CPSF3: variants seen among roughly 807,000 people sequenced by gnomAD.
CPSF3 encodes the protein cleavage and polyadenylation specific factor 3, also known as cleavage and polyadenylation specificity factor subunit 3.
In CPSF3, 57 loss-of-function variants were observed where a neutral mutation model predicts 84.1. That is an observed-to-expected ratio of 0.68 (90% CI 0.55 to 0.85). CPSF3 has a LOEUF of 0.85. Ranked by LOEUF, CPSF3 falls within the 40% of genes least tolerant of loss-of-function variation. The probability of loss-of-function intolerance (pLI) is 0.00; values close to 1 mark genes in which losing one functional copy is unlikely to be tolerated. For missense variants in CPSF3, 522 were observed against 838.8 expected (o/e 0.62, Z 4.66); for synonymous variants, 275 against 278.1 (o/e 0.99, Z 0.11).
At chr2:9,425,462 G>A (rs1053742119) in intron 1 of CPSF3, among the ~76,000 whole-genome samples, 2 of 152,294 alleles carry the variant, frequency 1.3e-5, no homozygotes, top group African/African-American at 2.4e-5. Context: ...CAGATTCAGT[G>A]AGATATTGAA....
intron 2 of CPSF3, 49 bp downstream of exon 2, chr2:9,428,877 T>C: frequency 8.9e-7 from 1 of 1,118,388 alleles, no homozygotes. Flanking sequence ...CTGTCTGTAT[T>C]GGGTGTTAGT....
chr2:9,472,772 A>C (rs4622691), intron 17 of CPSF3, 144 bp from the exon 18 acceptor site: 363,179 of 671,730 alleles, frequency 0.54, 106,160 homozygotes, highest in African/African-American at 0.73. Context: ...CCCACCTCAG[A>C]CTCTTATCTG....
intron 16 of CPSF3, 44 bp downstream of exon 16, chr2:9,467,820 GC>G: frequency 6.7e-7 from 1 of 1,493,386 alleles, no homozygotes; most frequent in Non-Finnish European, 9.3e-7. Flanking sequence ...AGTGACAGCG[GC>G]CGGAAGGAGC....
chr2:9,455,636 G>C, intron 12 of CPSF3, 23 bp from the exon 13 acceptor site: 1 of 1,557,638 alleles, frequency 6.4e-7, no homozygotes, highest in East Asian at 2.2e-5. Context: ...ATTTCTTCAA[G>C]TCTCTTCTCA....
At position 9,471,361 on chromosome 2, in the gene CPSF3, CTG is replaced by C. The variant is rs1572816867; in HGVS notation, c.1879_1880del (p.Val627LysfsTer5). On this transcript the variant is annotated frameshift_variant, in exon 17 of 18. Transcript: ENST00000238112. LOFTEE classifies it high-confidence loss of function. ...TTTTCAGGGACATATTTGGAGAAGA[CTG>C]TGTAAGTGTAAAGGATGACTCTATT... ...IMLQDIFGEDCVSVKDDSILS... is the reference protein window; with the variant it reads ...IMLQDIFGEDXVSVKDDSILS... 2 of 1,609,938 alleles carry C rather than the reference CTG, an allele frequency of 1.2e-6. No homozygotes were observed. The highest frequency in any genetic ancestry group is 1.7e-6 in the Non-Finnish European group (2 of 1,176,262).
intron 4 of CPSF3, 140 bp downstream of exon 4, chr2:9,431,020 A>ATT (rs1680566859): frequency 1.5e-6 from 1 of 652,976 alleles, no homozygotes; most frequent in East Asian, 2.8e-5. Context: ...TTCATTAACA[A>ATT]GGTCATTGAA....
At chr2:9,425,431 A>G (rs1314840009) in intron 1 of CPSF3, among the ~76,000 whole-genome samples, 3 of 92,140 alleles carry the variant, frequency 3.3e-5, no homozygotes, top group Admixed American at 2.8e-4. Context: ...ATGGATGAAT[A>G]AAAGCATGGA....
chr2:9,448,579 A>T (rs142599407), intron 11 of CPSF3, among the ~76,000 whole-genome samples: 1 of 152,072 alleles, frequency 6.6e-6, no homozygotes, highest in East Asian at 1.9e-4. Flanking sequence ...TGTGTGTGAG[A>T]CGGAGTCTCG....
At chr2:9,443,206 G>A (rs1464730391) in intron 9 of CPSF3, among the ~76,000 whole-genome samples, 1 of 152,118 alleles carries the variant, frequency 6.6e-6, no homozygotes, top group East Asian at 1.9e-4. Context: ...ACATATCTAG[G>A]AAATGACTTT....
At chr2:9,439,699 A>G (rs1680906113) in intron 7 of CPSF3, among the ~76,000 whole-genome samples, 1 of 152,204 alleles carries the variant, frequency 6.6e-6, no homozygotes, top group Non-Finnish European at 1.5e-5. Flanking sequence ...TTTTAAAAAT[A>G]CAAGCATGGC....
At chr2:9,433,217 C>T (rs577473283) in intron 5 of CPSF3, among the ~76,000 whole-genome samples, 2 of 152,312 alleles carry the variant, frequency 1.3e-5, no homozygotes, top group Non-Finnish European at 2.9e-5. Context: ...ACTCAGGCTG[C>T]AAATAAGACT....
At chr2:9,463,412 C>T (rs1027441958) in intron 15 of CPSF3, among the ~76,000 whole-genome samples, 1 of 152,148 alleles carries the variant, frequency 6.6e-6, no homozygotes, top group Non-Finnish European at 1.5e-5. Context: ...TCGCAAAGTG[C>T]TGGATTCTGG....
chr2:9,461,595 G>A (rs1021056256), intron 15 of CPSF3, among the ~76,000 whole-genome samples: 1 of 151,338 alleles, frequency 6.6e-6, no homozygotes, highest in Non-Finnish European at 1.5e-5. Flanking sequence ...GCTTGAAACC[G>A]GGGGGCGGAG....
intron 4 of CPSF3, among the ~76,000 whole-genome samples, chr2:9,431,588 A>G (rs1304602036): frequency 7.6e-6 from 1 of 131,786 alleles, no homozygotes; most frequent in African/African-American, 3.1e-5. Flanking sequence ...GCTGTTGACC[A>G]GGCTGGAGTG....
chr2:9,442,844 C>T (rs185205280), intron 9 of CPSF3, among the ~76,000 whole-genome samples: 85 of 149,120 alleles, frequency 5.7e-4, no homozygotes, highest in African/African-American at 2.0e-3. Flanking sequence ...CGGAGCAAGA[C>T]TCCATCTCCA....
intron 13 of CPSF3, 120 bp downstream of exon 13, chr2:9,455,877 A>C: frequency 1.5e-6 from 1 of 659,462 alleles, no homozygotes; most frequent in South Asian, 2.5e-5. Context: ...AAGTTTTATA[A>C]ATATGTGTGA....
At chr2:9,460,126 A>G (rs974782176) in intron 15 of CPSF3, among the ~76,000 whole-genome samples, 1 of 152,116 alleles carries the variant, frequency 6.6e-6, no homozygotes, top group Non-Finnish European at 1.5e-5. Flanking sequence ...TACTGCAAAA[A>G]CCTGGCTGCA....
chr2:9,445,767 T>C (rs1681108507), intron 10 of CPSF3, among the ~76,000 whole-genome samples: 1 of 152,242 alleles, frequency 6.6e-6, no homozygotes, highest in African/African-American at 2.4e-5. Context: ...CTACTTCTGC[T>C]GACAGTTTAA....
intron 14 of CPSF3, among the ~76,000 whole-genome samples, chr2:9,458,522 T>C: frequency 6.6e-6 from 1 of 152,166 alleles, no homozygotes; most frequent in African/African-American, 2.4e-5. Context: ...GACATTAATT[T>C]AGCTCATTCT....
Sources: gnomAD v4.1 joint callset for allele counts (sites outside exome capture counted in the v4.1 genomes callset) on GRCh38, gnomAD v4.1.1 for gene constraint, MANE v1.5 for transcripts, NCBI Gene and HGNC (gene_info 2026-07-23, HGNC 2026-07-21) for gene names.